RIF1: variants seen among roughly 807,000 people sequenced by gnomAD.
The protein encoded by RIF1 is telomere-associated protein RIF1.
Under a neutral mutation model 247.1 loss-of-function variants are expected in RIF1, and 45 were observed. The ratio of observed to expected loss-of-function variants is 0.18; its 90% CI spans 0.14 to 0.23. The LOEUF (loss-of-function observed/expected upper bound fraction) is 0.23, where lower values mean the gene tolerates loss of function less well. Ranked by LOEUF, RIF1 falls within the 10% of genes least tolerant of loss-of-function variation. RIF1 has a pLI of 1.00. For missense variants in RIF1, 2,967 were observed against 2,862.5 expected (o/e 1.04, Z -0.83); for synonymous variants, 1,087 against 978.8 (o/e 1.11, Z -2.06).
At chr2:151,472,275 G>A (rs2048598165) in intron 34 of RIF1, among the ~76,000 whole-genome samples, 1 of 152,186 alleles carries the variant, frequency 6.6e-6, no homozygotes, top group South Asian at 2.1e-4. Context: ...TTTGGGCTGA[G>A]ACAACGGGGT....
At chr2:151,532,660 T>A in the RIF1 span, among the ~76,000 whole-genome samples, 1 of 151,744 alleles carries the variant, frequency 6.6e-6, no homozygotes, top group African/African-American at 2.4e-5. Context: ...AAGCTCTTAA[T>A]TGGAGCTTAA....
intron 10 of RIF1, among the ~76,000 whole-genome samples, chr2:151,433,470 T>G (rs1425371057): frequency 6.6e-6 from 1 of 152,202 alleles, no homozygotes; most frequent in African/African-American, 2.4e-5. Context: ...ATTTATTTAT[T>G]TTGAGATGGA....
At chr2:151,513,668 A>G in the RIF1 span, 1 of 1,606,758 alleles carries the variant, frequency 6.2e-7, no homozygotes, top group African/African-American at 1.3e-5. Context: ...TTTGACTTCC[A>G]GTTCCAGGTC....
chr2:151,526,942 G>C, the RIF1 span: 1 of 1,600,176 alleles, frequency 6.2e-7, no homozygotes, highest in Non-Finnish European at 8.5e-7. Flanking sequence ...AAGTATTCCT[G>C]AGGGCGAGCA....
chr2:151,510,064 T>G (rs181084740), downstream of RIF1, among the ~76,000 whole-genome samples: 264 of 152,374 alleles, frequency 1.7e-3, 3 homozygotes, highest in Non-Finnish European at 2.2e-3. Context: ...TAACTTCTTT[T>G]AATTTATAAC....
At chr2:151,504,906 C>T (rs756101733) in intron 12 of RIF1, among the ~76,000 whole-genome samples, 10 of 151,966 alleles carry the variant, frequency 6.6e-5, no homozygotes, top group Non-Finnish European at 8.8e-5. Context: ...GTAGGTAGAT[C>T]GCAGCCTGTA....
At chr2:151,491,764 A>G in intron 9 of RIF1, 1 of 1,587,450 alleles carries the variant, frequency 6.3e-7, no homozygotes, top group Non-Finnish European at 8.6e-7. Flanking sequence ...TTAGTACGCC[A>G]GACACGTAAA....
At position 151,480,154 on chromosome 2, in the gene RIF1, C is replaced by A. The variant is rs533118431; in HGVS notation, c.*5083C>A. On this transcript the variant is annotated 3_prime_UTR_variant, in exon 36 of 36. Coordinates refer to ENST00000444746, the MANE Select transcript of RIF1 (RefSeq NM_018151.5). The stretch of plus-strand genomic sequence containing the variant: ...AATGTGTTATGGTAAGCTGTAAATA[C>A]CGTTGGAATAAAAGATAACCGTTCA... 2.2e-4 allele frequency: 34 copies of A among 152,168 alleles called. No homozygotes were observed. Among genetic ancestry groups the A allele is most frequent in the African/African-American group, 7.9e-4 (33 of 41,526 alleles). 9.4% of individuals were successfully genotyped at this position (152,168 alleles called of 1,614,324 possible).
chr2:151,446,373 TTTGA>T, intron 19 of RIF1, 49 bp from the exon 20 acceptor site: 2 of 1,466,770 alleles, frequency 1.4e-6, no homozygotes, highest in Non-Finnish European at 1.9e-6. Context: ...TTCTATAAAC[TTTGA>T]TAGATAGGTA....
intron 9 of RIF1, among the ~76,000 whole-genome samples, chr2:151,488,019 A>G (rs2052517705): frequency 6.6e-6 from 1 of 152,104 alleles, no homozygotes; most frequent in African/African-American, 2.4e-5. Context: ...ATTCTTGGTT[A>G]CTAGCACTTT....
intron 26 of RIF1, 52 bp downstream of exon 26, chr2:151,460,171 TTACA>T (rs1695898445): frequency 7.5e-7 from 1 of 1,334,196 alleles, no homozygotes. Flanking sequence ...ATATTGTAAC[TTACA>T]TACAACTTTA....
At chr2:151,428,543 A>G (rs556084991) in intron 8 of RIF1, among the ~76,000 whole-genome samples, 11 of 152,292 alleles carry the variant, frequency 7.2e-5, no homozygotes, top group Middle Eastern at 3.4e-3. Context: ...CAAACTTTAT[A>G]TATTTTGTGA....
intron 2 of RIF1, 28 bp downstream of exon 2, chr2:151,410,555 GAGTGGGGCGCTCTAT>G: frequency 6.4e-7 from 1 of 1,568,664 alleles, no homozygotes; most frequent in South Asian, 1.1e-5. Flanking sequence ...GCGTAGCGGA[GAGTGGGGCGCTCTAT>G]AGTGGGGAGA....
intron 10 of RIF1, chr2:151,497,333 G>C (rs1370312932): frequency 1.3e-5 from 13 of 981,278 alleles, no homozygotes; most frequent in Non-Finnish European, 1.6e-5. Context: ...AATTATATGA[G>C]GATTTGAGAC....
exon 11 of RIF1, chr2:151,499,456 G>C (rs891932148): frequency 1.1e-5 from 9 of 830,364 alleles, no homozygotes; most frequent in Middle Eastern, 2.2e-4. Context: ...CATCTACCTT[G>C]TGGGGAACCT....
intron 6 of RIF1, among the ~76,000 whole-genome samples, chr2:151,419,417 C>A (rs1328318159): frequency 6.6e-6 from 1 of 151,940 alleles, no homozygotes; most frequent in Admixed American, 6.6e-5. Flanking sequence ...CCTCCGCCTC[C>A]CGGGTTCAAG....
Position 151,436,867 on chromosome 2 carries a change from G to A in RIF1, c.1236G>A (p.Met412Ile), listed in dbSNP as rs748664483. The change falls in exon 12 of 36, where the codon ATG becomes ATA. Residue 412 changes from methionine (M) to isoleucine (I), a missense_variant. This residue lies in a region of RIF1 where 369 missense variants were observed against 322.0 expected (regional missense o/e 1.15). Transcript: ENST00000444746. ...ACGGAGCCCCGGGAACTCCCCGAAT[G>A]AACCTGAGTTCGAATTTAGGTGGAA... The part of the protein sequence containing the change: ...SPYGAPGTPR[M>I]NLSSNLGGMA... 4 of 1,611,436 alleles carry A rather than the reference G, an allele frequency of 2.5e-6. No individual in the cohort carries two copies. In the South Asian group the frequency reaches 4.4e-5, roughly 18 times the overall value.
At chr2:151,492,542 A>C in intron 9 of RIF1, 1 of 1,388,442 alleles carries the variant, frequency 7.2e-7, no homozygotes, top group African/African-American at 1.4e-5. Context: ...TAAATCTGAA[A>C]CCTCAAAGCC....
At chr2:151,496,959 A>ATTGTGT in intron 10 of RIF1, 1 of 1,577,018 alleles carries the variant, frequency 6.3e-7, no homozygotes, top group African/African-American at 1.3e-5. Flanking sequence ...TATTTTCTTG[A>ATTGTGT]TTGTGTTTGA....
Sources: gnomAD v4.1 joint callset for allele counts (sites outside exome capture counted in the v4.1 genomes callset) on GRCh38, gnomAD v4.1.1 for gene constraint, gnomAD v4.1.1 regional missense constraint, MANE v1.5 for transcripts, NCBI Gene and HGNC (gene_info 2026-07-23, HGNC 2026-07-21) for gene names.